MPP7: variants seen among roughly 807,000 people sequenced by gnomAD.
The protein encoded by MPP7 is MAGUK p55 scaffold protein 7.
In MPP7, 60 loss-of-function variants were observed where a neutral mutation model predicts 76.5. The ratio of observed to expected loss-of-function variants is 0.78; its 90% confidence interval spans 0.64 to 0.97. MPP7 has a LOEUF of 0.97. Among genes scored for constraint, MPP7 ranks in the 50% least tolerant of loss-of-function variants. The pLI is 0.00. For missense variants in MPP7, 641 were observed against 694.0 expected, an observed-to-expected ratio of 0.92 and a Z score of 0.86; for synonymous variants, 237 against 244.5, an observed-to-expected ratio of 0.97 and a Z score of 0.29.
At chr10:28,070,897 T>C (rs1029119647) in intron 12 of MPP7, among the ~76,000 whole-genome samples, 1 of 152,184 alleles carries the variant, frequency 6.6e-6, no homozygotes, top group Non-Finnish European at 1.5e-5. Context: ...CTTTCCAGCA[T>C]TGCTTTCCAC....
At chr10:28,202,693 A>T (rs941115532) in intron 2 of MPP7, among the ~76,000 whole-genome samples, 1 of 152,196 alleles carries the variant, frequency 6.6e-6, no homozygotes, top group Non-Finnish European at 1.5e-5. Flanking sequence ...GCCCATTAAA[A>T]GGGTTTTGTA....
At chr10:28,330,362 C>T (rs1834460031) in intron 1 of MPP7, among the ~76,000 whole-genome samples, 1 of 152,146 alleles carries the variant, frequency 6.6e-6, no homozygotes, top group Admixed American at 6.5e-5. Flanking sequence ...TCCAAAATGT[C>T]TAAAATAGGC....
chr10:28,129,078 C>T (rs1452347034), intron 6 of MPP7, among the ~76,000 whole-genome samples: 2 of 152,104 alleles, frequency 1.3e-5, no homozygotes, highest in Non-Finnish European at 2.9e-5. Flanking sequence ...TCACTTTGAA[C>T]CCTTCATTCT....
intron 2 of MPP7, among the ~76,000 whole-genome samples, chr10:28,206,851 A>G (rs944336390): frequency 6.6e-6 from 1 of 152,194 alleles, no homozygotes; most frequent in Non-Finnish European, 1.5e-5. Flanking sequence ...TAACGTTGGC[A>G]AATGTGAGGT....
intron 8 of MPP7, among the ~76,000 whole-genome samples, chr10:28,123,768 G>A (rs1406406416): frequency 2.0e-5 from 3 of 151,832 alleles, no homozygotes; most frequent in African/African-American, 4.8e-5. Context: ...CACCACACTC[G>A]GCCCTAAAAC....
chr10:28,209,567 G>T (rs1051044396), intron 2 of MPP7, among the ~76,000 whole-genome samples: 1 of 152,030 alleles, frequency 6.6e-6, no homozygotes, highest in African/African-American at 2.4e-5. Context: ...TTTGGCATTG[G>T]AGATACAATG....
In MPP7 at chr10:28,210,977, T is replaced by C. The variant is rs185293694; in HGVS notation, c.38-8706A>G. 1.0e-3 allele frequency among the ~76,000 whole-genome samples: 158 copies of C among 152,304 alleles called. 1 individual carries two copies. The highest frequency in any genetic ancestry group is 0.01 in the Middle Eastern group (3 of 294). On this transcript the variant is annotated intron_variant, in intron 2 of 16. Coordinates refer to ENST00000683449, the MANE Select transcript of MPP7 (RefSeq NM_001318170.2). ...AAGTACATGTGCCACTTACTTTTTG[T>C]TAAAGATAAAAACTATATGCTTTGA...
intron 3 of MPP7, among the ~76,000 whole-genome samples, chr10:28,173,589 G>A (rs1003999215): frequency 1.3e-5 from 2 of 152,136 alleles, no homozygotes; most frequent in Non-Finnish European, 2.9e-5. Flanking sequence ...CATGCTTCTT[G>A]TACAGTCTGC....
Position 28,133,184 on chromosome 10 carries a change from C to A in MPP7, c.316-1493G>T, listed in dbSNP as rs538185368. Reference sequence around the variant, plus strand: ...ACTCCAGTATCTTTAAATGGTTCAGCAGCATTCAACTCTGGCCCATTTTCA... The same window carrying A: ...ACTCCAGTATCTTTAAATGGTTCAGAAGCATTCAACTCTGGCCCATTTTCA... On this transcript the variant is annotated intron_variant, in intron 5 of 16. Coordinates refer to ENST00000683449, the MANE Select transcript of MPP7 (RefSeq NM_001318170.2). 6.6e-5 allele frequency among the ~76,000 whole-genome samples: 10 copies of A among 152,338 alleles called. No homozygotes were observed. The South Asian group carries it at 2.1e-3, about 32-fold the overall frequency.
chr10:28,086,746 A>G (rs1156740838), intron 12 of MPP7, among the ~76,000 whole-genome samples: 2 of 152,166 alleles, frequency 1.3e-5, no homozygotes, highest in South Asian at 4.1e-4. Context: ...AAGAAAGGCC[A>G]AGTTGTGTCA....
intron 11 of MPP7, among the ~76,000 whole-genome samples, chr10:28,115,227 C>A (rs545945788): frequency 6.6e-6 from 1 of 151,976 alleles, no homozygotes; most frequent in African/African-American, 2.4e-5. Flanking sequence ...CTCAGCCTCC[C>A]GAGTAGCTGG....
intron 2 of MPP7, among the ~76,000 whole-genome samples, chr10:28,319,183 G>C (rs1440771616): frequency 6.6e-6 from 1 of 152,172 alleles, no homozygotes; most frequent in Non-Finnish European, 1.5e-5. Context: ...GGAAGAGGGT[G>C]AAGGGGTAGG....
chr10:28,093,607 T>A (rs1035559667), intron 11 of MPP7, among the ~76,000 whole-genome samples: 3 of 151,656 alleles, frequency 2.0e-5, no homozygotes, highest in African/African-American at 7.3e-5. Context: ...CCACCACACC[T>A]AGCTAATTTT....
At chr10:28,112,944 C>T (rs1834549728) in intron 11 of MPP7, among the ~76,000 whole-genome samples, 1 of 152,158 alleles carries the variant, frequency 6.6e-6, no homozygotes, top group African/African-American at 2.4e-5. Flanking sequence ...GGCTTAGTCG[C>T]CCTTGACATG....
At chr10:28,171,682 T>C (rs1032315422) in intron 3 of MPP7, among the ~76,000 whole-genome samples, 2 of 152,232 alleles carry the variant, frequency 1.3e-5, no homozygotes, top group Non-Finnish European at 2.9e-5. Context: ...CAGGCAGTTC[T>C]AGTATATTGC....
At chr10:28,289,071 G>A (rs1840851371) in intron 1 of MPP7, among the ~76,000 whole-genome samples, 1 of 152,092 alleles carries the variant, frequency 6.6e-6, no homozygotes, top group South Asian at 2.1e-4. Flanking sequence ...AGGCCGAGGT[G>A]GGCGGATCAT....
At chr10:28,107,982 TTAG>T (rs772464163) in intron 11 of MPP7, among the ~76,000 whole-genome samples, 16 of 152,238 alleles carry the variant, frequency 1.1e-4, no homozygotes, top group Non-Finnish European at 2.1e-4. Flanking sequence ...CAATTCTTAC[TTAG>T]TAGATTTTCT....
chr10:28,324,239 C>G (rs1178119617), intron 2 of MPP7, among the ~76,000 whole-genome samples: 1 of 152,164 alleles, frequency 6.6e-6, no homozygotes, highest in Non-Finnish European at 1.5e-5. Flanking sequence ...CGTGAGGGCA[C>G]AGAGAGAAGA....
chr10:28,111,006 C>A (rs1167937448), intron 11 of MPP7, among the ~76,000 whole-genome samples: 1 of 152,140 alleles, frequency 6.6e-6, no homozygotes, highest in African/African-American at 2.4e-5. Context: ...GGATGTACAA[C>A]AGAGTACATT....
Sources: gnomAD v4.1 joint callset for allele counts (sites outside exome capture counted in the v4.1 genomes callset) on GRCh38, gnomAD v4.1.1 for gene constraint, MANE v1.5 for transcripts, NCBI Gene and HGNC (gene_info 2026-07-23, HGNC 2026-07-21) for gene names.